Variants in TPST1 observed in about 807,000 individuals in gnomAD.
The protein encoded by TPST1 is protein-tyrosine sulfotransferase 1.
In TPST1, 20 loss-of-function variants were observed where a neutral mutation model predicts 34.8. The observed-to-expected ratio is 0.57, with a 90% CI of 0.40 to 0.84. The LOEUF (loss-of-function observed/expected upper bound fraction) is 0.84. Ranked by LOEUF, TPST1 falls within the 40% of genes least tolerant of loss-of-function variation. The pLI, the probability that TPST1 is intolerant of heterozygous loss-of-function variation, is 0.00. For missense variants in TPST1, 353 were observed against 455.5 expected, an observed-to-expected ratio of 0.78 and a Z score of 2.05; for synonymous variants, 152 against 159.4, an observed-to-expected ratio of 0.95 and a Z score of 0.35.
chr7:66,205,212 A>T (rs557612160), upstream of TPST1: 1 of 152,194 alleles, frequency 6.6e-6, no homozygotes, highest in Non-Finnish European at 1.5e-5. This position sits in a 1 kb window ranked among gnomAD's most constrained non-coding sequence, Gnocchi z 5.0. Flanking sequence ...TTCGGTGGGC[A>T]GCCGGCCGGA....
chr7:66,242,288 A>G (rs1166785788), intron 2 of TPST1, among the ~76,000 whole-genome samples: 3 of 152,096 alleles, frequency 2.0e-5, no homozygotes, highest in African/African-American at 7.2e-5. Flanking sequence ...ATATACATAT[A>G]TAAAAAGAAA....
chr7:66,300,315 T>C (rs1791288454), intron 3 of TPST1, among the ~76,000 whole-genome samples: 1 of 152,238 alleles, frequency 6.6e-6, no homozygotes, highest in Non-Finnish European at 1.5e-5. Flanking sequence ...TGCTCATTCT[T>C]AAGAAGCAAC....
At chr7:66,314,674 A>G (rs933565243) in intron 3 of TPST1, among the ~76,000 whole-genome samples, 3 of 152,154 alleles carry the variant, frequency 2.0e-5, no homozygotes, top group Non-Finnish European at 4.4e-5. Flanking sequence ...ACTTACATAA[A>G]TTTAGATGGT....
chr7:66,223,936 C>T (rs1337528528), intron 1 of TPST1, among the ~76,000 whole-genome samples: 2 of 152,180 alleles, frequency 1.3e-5, no homozygotes, highest in African/African-American at 4.8e-5. Flanking sequence ...AACTTGTGCT[C>T]CTGTCTCCAT....
upstream of TPST1, among the ~76,000 whole-genome samples, chr7:66,204,291 G>C (rs1476501631): frequency 6.6e-6 from 1 of 152,172 alleles, no homozygotes; most frequent in Non-Finnish European, 1.5e-5. Context: ...GTGTGCAAAG[G>C]AAGGTAGTTA....
intron 2 of TPST1, among the ~76,000 whole-genome samples, chr7:66,254,016 A>AG (rs1416267366): frequency 6.6e-6 from 1 of 151,356 alleles, no homozygotes; most frequent in Non-Finnish European, 1.5e-5. Flanking sequence ...AAAAAAAAAA[A>AG]AAAAGAAAGA....
At chr7:66,327,314 T>C (rs1791887087) in intron 3 of TPST1, among the ~76,000 whole-genome samples, 1 of 152,106 alleles carries the variant, frequency 6.6e-6, no homozygotes, top group South Asian at 2.1e-4. Flanking sequence ...TATATTAGAG[T>C]TTACAATGAG....
intron 5 of TPST1, among the ~76,000 whole-genome samples, chr7:66,358,328 T>G (rs1021671809): frequency 7.0e-6 from 1 of 143,176 alleles, no homozygotes; most frequent in Non-Finnish European, 1.5e-5. Context: ...CTGACCTTTG[T>G]TTTTTTTTTT....
intron 2 of TPST1, among the ~76,000 whole-genome samples, chr7:66,271,819 T>G (rs1349755452): frequency 6.6e-6 from 1 of 151,876 alleles, no homozygotes; most frequent in African/African-American, 2.4e-5. Flanking sequence ...ATCCCTACAT[T>G]TTAGGATTTT....
At chr7:66,352,381 T>C (rs1338354431) in intron 3 of TPST1, 124 bp from the exon 4 acceptor site, 2 of 1,503,822 alleles carry the variant, frequency 1.3e-6, no homozygotes, top group Non-Finnish European at 1.8e-6. Flanking sequence ...GACAGGCTTC[T>C]TTCTCATTCT....
chr7:66,249,246 G>A (rs1790215147), intron 2 of TPST1, among the ~76,000 whole-genome samples: 1 of 151,346 alleles, frequency 6.6e-6, no homozygotes, highest in East Asian at 1.9e-4. Context: ...TGTAAGCCTA[G>A]TTCAGAGTAT....
At chr7:66,206,750 T>C (rs751116521) in intron 1 of TPST1, among the ~76,000 whole-genome samples, 1 of 152,092 alleles carries the variant, frequency 6.6e-6, no homozygotes, top group Admixed American at 6.6e-5. Flanking sequence ...ATAAGCAATG[T>C]GGTACGTGTT....
chr7:66,320,245 CTTTTTT>C (rs569746911), intron 3 of TPST1, among the ~76,000 whole-genome samples: 1 of 126,388 alleles, frequency 7.9e-6, no homozygotes, highest in African/African-American at 3.0e-5. Context: ...TTTTCTTTTT[CTTTTTT>C]TTTTTTTTTT....
At chr7:66,345,464 G>A (rs909503662) in intron 3 of TPST1, among the ~76,000 whole-genome samples, 5 of 130,728 alleles carry the variant, frequency 3.8e-5, no homozygotes, top group Non-Finnish European at 7.7e-5. Flanking sequence ...ACTCCAGCTT[G>A]GGCAAAAGAG....
upstream of TPST1, among the ~76,000 whole-genome samples, chr7:66,203,049 C>T (rs1789048502): frequency 6.6e-6 from 1 of 152,088 alleles, no homozygotes. Context: ...CATTGCACTC[C>T]AGCCTGGGCA....
rs1188114137 is a variant in TPST1, at chr7:66,345,014, G to A, written c.1045-7491G>A. ...GCTGGGATTACAGGCGTGAGCCACCGCGCCTGGCCAATTTTTTAAAAAATT... is the reference window on the plus strand; with the variant it reads ...GCTGGGATTACAGGCGTGAGCCACCACGCCTGGCCAATTTTTTAAAAAATT... On this transcript the variant is annotated intron_variant, in intron 3 of 5. Coordinates refer to ENST00000304842, the MANE Select transcript of TPST1 (RefSeq NM_003596.4). Among the ~76,000 whole-genome samples, 4 of 151,092 alleles carry A rather than the reference G, an allele frequency of 2.6e-5. No homozygotes were observed. In the East Asian group the frequency reaches 5.9e-4, roughly 22 times the overall value.
chr7:66,275,377 AT>A (rs1245641709), intron 2 of TPST1, among the ~76,000 whole-genome samples: 2 of 152,158 alleles, frequency 1.3e-5, no homozygotes, highest in East Asian at 3.9e-4. Context: ...ACTACCAGGT[AT>A]GTACCCAAAG....
At chr7:66,247,296 C>T (rs1193212819) in intron 2 of TPST1, among the ~76,000 whole-genome samples, 1 of 152,120 alleles carries the variant, frequency 6.6e-6, no homozygotes, top group Non-Finnish European at 1.5e-5. Flanking sequence ...GGGGTGGTGG[C>T]CCATGCCTGT....
chr7:66,353,325 C>G (rs917469387), intron 4 of TPST1, among the ~76,000 whole-genome samples: 5 of 151,866 alleles, frequency 3.3e-5, no homozygotes, highest in Non-Finnish European at 7.4e-5. Flanking sequence ...AAAAAATTAG[C>G]TAGGCATGGT....
Sources: allele counts gnomAD v4.1 joint callset (sites outside exome capture counted in the v4.1 genomes callset), GRCh38; gene constraint gnomAD v4.1.1; non-coding constraint Gnocchi (gnomAD v3.1); transcripts MANE v1.5; gene names NCBI Gene and HGNC (gene_info 2026-07-23, HGNC 2026-07-21).